Variants in ROS1 observed in about 807,000 individuals in gnomAD.
The protein encoded by ROS1 is proto-oncogene tyrosine-protein kinase ROS.
Under a neutral mutation model 273.5 loss-of-function variants are expected in ROS1, and 263 were observed. The ratio of observed to expected loss-of-function variants is 0.96; its 90% CI spans 0.87 to 1.06. The LOEUF (loss-of-function observed/expected upper bound fraction) is 1.06, where lower values mean the gene tolerates loss of function less well. ROS1 is among the 50% of genes least tolerant of loss of function. The pLI is 0.00. For synonymous variants in ROS1, 1,008 were observed against 954.1 expected, an observed-to-expected ratio of 1.06 and a Z score of -1.04; for missense variants, 2,833 against 2,751.1, an observed-to-expected ratio of 1.03 and a Z score of -0.67.
chr6:117,316,579 AAG>A (rs1775934594), intron 39 of ROS1, among the ~76,000 whole-genome samples: 1 of 152,054 alleles, frequency 6.6e-6, no homozygotes, highest in South Asian at 2.1e-4. Context: ...CTGGGGATAC[AAG>A]AGAAGAAGGA....
In ROS1 at chr6:117,310,077, T is replaced by C; in HGVS notation, c.6416+4A>G. The C allele has an allele frequency of 1.2e-6, 2 of 1,611,538 alleles. No individual in the cohort carries two copies. Among genetic ancestry groups the C allele is most frequent in the Non-Finnish European group, 1.7e-6 (2 of 1,177,938 alleles). On this transcript the variant is annotated splice_donor_region_variant and intron_variant, in intron 41 of 43. Coordinates refer to ENST00000368507, the MANE Select transcript of ROS1 (RefSeq NM_001378902.1). Reference sequence around the variant, plus strand: ...AGCATTACTCTGTGTCCCGTTAAACTTACCATACATCAGATTGAGTAGTGA... The same window carrying C: ...AGCATTACTCTGTGTCCCGTTAAACCTACCATACATCAGATTGAGTAGTGA...
At chr6:117,410,316 A>G (rs1270703361) in intron 4 of ROS1, among the ~76,000 whole-genome samples, 1 of 152,126 alleles carries the variant, frequency 6.6e-6, no homozygotes, top group Non-Finnish European at 1.5e-5. Flanking sequence ...AAAATCTAAA[A>G]CTTTAGAGTA....
rs1779352678 is a variant in ROS1, at chr6:117,356,798, C to G, written c.3957G>C (p.Arg1319Ser). ...QPTATNQQNK[R>S]NQCSCNVTEF... ...CAGTCACATTACAAGAACATTGATT[C>G]CTTTTGTTTTGTTGGTTTGTAGCTG... is the stretch of plus-strand genomic sequence containing the variant. Residue 1319 changes from arginine to serine, a missense_variant, in exon 26 of 44, where the codon AGG (arginine) becomes AGC (serine). Transcript: ENST00000368507. 6.2e-7 allele frequency: 1 copy of G among 1,614,070 alleles called. No individual in the cohort carries two copies. Among genetic ancestry groups the G allele is most frequent in the Non-Finnish European group, 8.5e-7 (1 of 1,180,004 alleles).
At chr6:117,375,870 T>C (rs1781294063) in intron 18 of ROS1, among the ~76,000 whole-genome samples, 1 of 152,104 alleles carries the variant, frequency 6.6e-6, no homozygotes, top group Admixed American at 6.5e-5. Flanking sequence ...ACAATCATAG[T>C]TGGAGACATA....
At chr6:117,330,536 T>C (rs1777003489) in intron 32 of ROS1, among the ~76,000 whole-genome samples, 1 of 152,164 alleles carries the variant, frequency 6.6e-6, no homozygotes, top group African/African-American at 2.4e-5. Context: ...CCAACAGGGA[T>C]TGTCAGGACA....
intron 16 of ROS1, among the ~76,000 whole-genome samples, chr6:117,384,559 T>C (rs900370168): frequency 2.0e-5 from 3 of 152,204 alleles, no homozygotes; most frequent in Non-Finnish European, 4.4e-5. Flanking sequence ...CAGCAAGTAC[T>C]TTCCTGATTA....
In ROS1 at chr6:117,374,524, T is replaced by C. The variant is rs115529123; in HGVS notation, c.2582+4535A>G. Among the ~76,000 whole-genome samples, 92 of 152,346 alleles carry C rather than the reference T, an allele frequency of 6.0e-4. 1 individual carries two copies. Among genetic ancestry groups the C allele is most frequent in the African/African-American group, 2.1e-3 (86 of 41,586 alleles). On this transcript the variant is annotated intron_variant, in intron 18 of 43. Transcript: ENST00000368507. ...CTAAGACCTAAAACCTTAACAATTC[T>C]AGAAGATAACATCGAAGAAACCCTT...
chr6:117,305,567 T>C (rs1256346329), intron 42 of ROS1, among the ~76,000 whole-genome samples: 1 of 152,144 alleles, frequency 6.6e-6, no homozygotes, highest in Non-Finnish European at 1.5e-5. Context: ...TATAAACCCT[T>C]TCTGTTCCAC....
intron 32 of ROS1, among the ~76,000 whole-genome samples, chr6:117,331,577 A>T (rs1462082520): frequency 6.6e-6 from 1 of 152,172 alleles, no homozygotes; most frequent in Non-Finnish European, 1.5e-5. Flanking sequence ...AAAAACTGTT[A>T]AGGGCAGCCA....
intron 43 of ROS1, among the ~76,000 whole-genome samples, chr6:117,296,827 G>C (rs1027692770): frequency 6.6e-6 from 1 of 152,086 alleles, no homozygotes; most frequent in Non-Finnish European, 1.5e-5. Context: ...GTAACACAAA[G>C]GATAAATGCT....
chr6:117,323,926 A>G (rs1490625781), intron 35 of ROS1, among the ~76,000 whole-genome samples: 1 of 152,122 alleles, frequency 6.6e-6, no homozygotes, highest in Non-Finnish European at 1.5e-5. Context: ...TATCCCAATC[A>G]AAGATTGTCA....
chr6:117,399,912 T>G (rs1773807749), intron 7 of ROS1, among the ~76,000 whole-genome samples: 1 of 152,250 alleles, frequency 6.6e-6, no homozygotes, highest in Admixed American at 6.5e-5. Flanking sequence ...AAAATTCTCT[T>G]TTTGAGAAGC....
intron 5 of ROS1, among the ~76,000 whole-genome samples, chr6:117,404,985 A>G (rs1350863190): frequency 6.6e-6 from 1 of 152,226 alleles, no homozygotes; most frequent in Non-Finnish European, 1.5e-5. Flanking sequence ...ACGTATTACA[A>G]TTGGCAGCAA....
At chr6:117,353,218 T>G (rs1208435529) in intron 26 of ROS1, 52 bp from the exon 27 acceptor site, 1 of 1,308,742 alleles carries the variant, frequency 7.6e-7, no homozygotes, top group Non-Finnish European at 1.0e-6. Context: ...ATCTTACATT[T>G]TTTACTCTAA....
At chr6:117,400,702 T>C (rs1489222284) in intron 7 of ROS1, among the ~76,000 whole-genome samples, 2 of 152,226 alleles carry the variant, frequency 1.3e-5, no homozygotes, top group Non-Finnish European at 2.9e-5. Context: ...CTTCTCCATG[T>C]CCTTTGCTGT....
At chr6:117,317,890 C>T (rs1057021379) in intron 38 of ROS1, among the ~76,000 whole-genome samples, 6 of 152,144 alleles carry the variant, frequency 3.9e-5, no homozygotes, top group Admixed American at 6.5e-5. Flanking sequence ...ACCATTATCA[C>T]ACATTTAGAT....
chr6:117,385,625 G>T, intron 16 of ROS1, 58 bp downstream of exon 16: 1 of 1,444,820 alleles, frequency 6.9e-7, no homozygotes, highest in Non-Finnish European at 9.5e-7. Context: ...TGGTGTGCAA[G>T]TCACTGAAGT....
intron 5 of ROS1, among the ~76,000 whole-genome samples, chr6:117,405,152 C>T (rs1469979135): frequency 6.6e-6 from 1 of 152,122 alleles, no homozygotes; most frequent in African/African-American, 2.4e-5. Context: ...AATCAGCACT[C>T]TGGTTGAGAA....
chr6:117,323,152 C>A (rs1776397555), intron 35 of ROS1, among the ~76,000 whole-genome samples: 1 of 152,090 alleles, frequency 6.6e-6, no homozygotes, highest in Admixed American at 6.6e-5. Context: ...TCTCTGGAAC[C>A]ACAGGTTAAA....
Sources: gnomAD v4.1 joint callset for allele counts (sites outside exome capture counted in the v4.1 genomes callset) on GRCh38, gnomAD v4.1.1 for gene constraint, MANE v1.5 for transcripts, NCBI Gene and HGNC (gene_info 2026-07-23, HGNC 2026-07-21) for gene names.